The following ENKUR variants were observed in gnomAD, a reference collection of about 807,000 sequenced individuals.
ENKUR encodes the protein enkurin.
In ENKUR, 19 loss-of-function variants were observed where a neutral mutation model predicts 27.6. The observed-to-expected ratio is 0.69, with a 90% confidence interval of 0.48 to 1.01. The LOEUF (loss-of-function observed/expected upper bound fraction) is 1.01. Ranked by LOEUF, ENKUR falls within the 50% of genes least tolerant of loss-of-function variation. The pLI, the probability that ENKUR is intolerant of heterozygous loss-of-function variation, is 0.00. For synonymous variants in ENKUR, 117 were observed against 96.9 expected (o/e 1.21, Z -1.22); for missense variants, 312 against 310.5 (o/e 1.00, Z -0.04).
At chr10:25,058,922 C>T (rs1198862348) in intron 2 of ENKUR, among the ~76,000 whole-genome samples, 4 of 119,228 alleles carry the variant, frequency 3.4e-5, no homozygotes, top group African/African-American at 1.5e-4. Flanking sequence ...CGGAGTGAGA[C>T]TCCATCTTAA....
At chr10:25,048,739 C>T (rs927422623) in intron 2 of ENKUR, among the ~76,000 whole-genome samples, 11 of 152,046 alleles carry the variant, frequency 7.2e-5, no homozygotes, top group Admixed American at 6.6e-4. Flanking sequence ...GGTTTCAGGG[C>T]GTGCTGGGAG....
At chr10:24,996,259 CA>C (rs1344076871) in intron 2 of ENKUR, among the ~76,000 whole-genome samples, 3 of 152,096 alleles carry the variant, frequency 2.0e-5, no homozygotes, top group African/African-American at 7.2e-5. Context: ...CCCATCTCTG[CA>C]AAAAATGCAA....
chr10:25,021,972 T>C (rs1850728015), intron 2 of ENKUR: 1 of 152,194 alleles, frequency 6.6e-6, no homozygotes, highest in Non-Finnish European at 1.5e-5. Context: ...AGAGTTTAAG[T>C]AGCATAGAAA....
intron 2 of ENKUR, among the ~76,000 whole-genome samples, chr10:25,059,132 CTTT>C (rs759162602): frequency 7.5e-5 from 9 of 120,500 alleles, no homozygotes; most frequent in African/African-American, 1.3e-4. Context: ...CTTTTTCTTT[CTTT>C]TTTTTTTTTT....
Position 24,999,404 on chromosome 10 carries a change from G to A in ENKUR, c.220C>T (p.Pro74Ser), listed in dbSNP as rs2132695376. The change falls in exon 2 of 6, where the codon CCC becomes TCC. Residue 74 changes from proline (P) to serine (S), a missense_variant. Physicochemically the swap from Pro to Ser is moderately conservative, Grantham distance 74. Transcript: ENST00000331161. ...AATAAAGCATGATAAAACCTACTGGGTGGTAGAGTTTTTTCCTTTGAATGT... is the reference window on the plus strand; with the variant it reads ...AATAAAGCATGATAAAACCTACTGGATGGTAGAGTTTTTTCCTTTGAATGT... ...KKHSKEKTLP[P>S]KKNFDRNVPK... 6.2e-7 allele frequency: 1 copy of A among 1,604,830 alleles called. No homozygotes were observed. The highest frequency in any genetic ancestry group is 8.5e-7 in the Non-Finnish European group (1 of 1,177,604).
chr10:24,998,478 G>T (rs1490465531), intron 2 of ENKUR, among the ~76,000 whole-genome samples: 1 of 151,652 alleles, frequency 6.6e-6, no homozygotes, highest in Non-Finnish European at 1.5e-5. Flanking sequence ...GGGCTCAAGC[G>T]ATCCTTCCAC....
At chr10:24,988,727 T>G (rs184437697) in intron 4 of ENKUR, among the ~76,000 whole-genome samples, 792 of 71,880 alleles carry the variant, frequency 0.011, 28 homozygotes, top group African/African-American at 0.041. Flanking sequence ...TATATATATA[T>G]TCCTCATTTT....
At chr10:25,015,456 T>G (rs1319047448) in intron 1 of ENKUR, among the ~76,000 whole-genome samples, 2 of 152,182 alleles carry the variant, frequency 1.3e-5, no homozygotes, top group Non-Finnish European at 2.9e-5. Context: ...GAGGGAGTAG[T>G]GCAGTTAGAA....
At chr10:24,994,482 C>T (rs1239881352) in intron 3 of ENKUR, among the ~76,000 whole-genome samples, 3 of 151,728 alleles carry the variant, frequency 2.0e-5, no homozygotes, top group Admixed American at 6.6e-5. Flanking sequence ...TACAGGCACA[C>T]ACCACCACGC....
In ENKUR at chr10:25,015,981, C is replaced by A; in HGVS notation, c.-45G>T. On this transcript the variant is annotated 5_prime_UTR_variant, in exon 1 of 6. Transcript: ENST00000331161. ...AAAAGCTACTCTCCACAACTTTTTT[C>A]TCCCTGTCCCAGTATCTCCGTCCCT... 1.3e-6 allele frequency: 2 copies of A among 1,582,796 alleles called. No homozygotes were observed. The highest frequency in any genetic ancestry group is 1.7e-6 in the Non-Finnish European group (2 of 1,166,260).
chr10:25,004,774 A>G (rs148682671), intron 1 of ENKUR, among the ~76,000 whole-genome samples: 1,934 of 152,242 alleles, frequency 0.013, 45 homozygotes, highest in African/African-American at 0.044. Context: ...ATTAGATCCC[A>G]TATGTCAATT....
chr10:24,984,550 A>C, intron 5 of ENKUR, 174 bp from the exon 6 acceptor site: 1 of 1,094,104 alleles, frequency 9.1e-7, no homozygotes, highest in South Asian at 1.8e-5. Flanking sequence ...CACTAGTAAA[A>C]ACAAAATTTC....
chr10:25,015,943 CA>C lies in ENKUR; in HGVS notation c.-8del, dbSNP rs1245206720. ...AAGAGCACGTTGGATCCATGGCCAC[CA>C]AATGACTCCTTAAAAGCTACTCTCC... On this transcript the variant is annotated 5_prime_UTR_variant, in exon 1 of 6. Transcript: ENST00000331161. The C allele has an allele frequency of 6.2e-7, 1 of 1,603,536 alleles. No homozygotes were observed. The highest frequency in any genetic ancestry group is 8.5e-7 in the Non-Finnish European group (1 of 1,174,698).
At chr10:25,007,797 G>A (rs1019784938) in intron 1 of ENKUR, among the ~76,000 whole-genome samples, 1 of 151,944 alleles carries the variant, frequency 6.6e-6, no homozygotes, top group Admixed American at 6.6e-5. Context: ...AAATGCATAT[G>A]GAAGCCACAA....
At chr10:25,060,113 T>A (rs1350844920) in intron 2 of ENKUR, among the ~76,000 whole-genome samples, 1 of 152,164 alleles carries the variant, frequency 6.6e-6, no homozygotes, top group Non-Finnish European at 1.5e-5. Context: ...TTAGGAAGCC[T>A]GTGAAGCCGA....
intron 2 of ENKUR, among the ~76,000 whole-genome samples, chr10:25,056,978 G>C (rs1345991805): frequency 6.6e-6 from 1 of 152,188 alleles, no homozygotes; most frequent in Non-Finnish European, 1.5e-5. Flanking sequence ...GTCATAGCTA[G>C]AGCAGGACTG....
chr10:25,033,401 CAAAAAA>C (rs34472195), intron 2 of ENKUR, among the ~76,000 whole-genome samples: 17 of 59,994 alleles, frequency 2.8e-4, no homozygotes, highest in African/African-American at 6.6e-4. Context: ...AAGACCTCGT[CAAAAAA>C]AAAAAAAAAA....
intron 1 of ENKUR, among the ~76,000 whole-genome samples, chr10:25,003,680 C>T (rs1331795162): frequency 6.6e-6 from 1 of 152,070 alleles, no homozygotes; most frequent in African/African-American, 2.4e-5. Context: ...ATAATTGGCT[C>T]TATTTTCTTT....
chr10:25,054,274 T>G (rs1321474956), intron 2 of ENKUR, among the ~76,000 whole-genome samples: 1 of 151,990 alleles, frequency 6.6e-6, no homozygotes, highest in Admixed American at 6.6e-5. Context: ...TACAAAAAAT[T>G]AGCTGGGCGT....
Sources: allele counts gnomAD v4.1 joint callset (sites outside exome capture counted in the v4.1 genomes callset), GRCh38; gene constraint gnomAD v4.1.1; transcripts MANE v1.5; gene names NCBI Gene and HGNC (gene_info 2026-07-23, HGNC 2026-07-21).